The following CSMD1 variants were observed in gnomAD, a reference collection of about 807,000 sequenced individuals.
CSMD1 encodes the protein CUB and Sushi multiple domains 1, also known as CUB and sushi domain-containing protein 1.
Under a neutral mutation model 417.5 loss-of-function variants are expected in CSMD1, and 213 were observed. The ratio of observed to expected loss-of-function variants is 0.51; its 90% CI spans 0.46 to 0.57. The LOEUF (loss-of-function observed/expected upper bound fraction) is 0.57, where lower values mean the gene tolerates loss of function less well. Ranked by LOEUF, CSMD1 falls within the 20% of genes least tolerant of loss-of-function variation. The pLI is 0.00. For synonymous variants in CSMD1, 2,862 were observed against 1,736.8 expected (o/e 1.65, Z -16.11); for missense variants, 6,923 against 4,529.7 (o/e 1.53, Z -15.17).
At chr8:4,555,203 A>T (rs1287682231) in intron 2 of CSMD1, among the ~76,000 whole-genome samples, 1 of 152,206 alleles carries the variant, frequency 6.6e-6, no homozygotes, top group East Asian at 1.9e-4. Context: ...TAGGAATAAG[A>T]ATGAATGCAG....
intron 54 of CSMD1, among the ~76,000 whole-genome samples, chr8:2,993,970 C>G (rs552586970): frequency 1.4e-5 from 2 of 147,652 alleles, no homozygotes; most frequent in South Asian, 4.2e-4. Flanking sequence ...ATGGTGAAAC[C>G]CCATCCCTAC....
At chr8:3,606,355 G>C (rs1175209907) in intron 8 of CSMD1, among the ~76,000 whole-genome samples, 1 of 152,176 alleles carries the variant, frequency 6.6e-6, no homozygotes, top group Non-Finnish European at 1.5e-5. Context: ...AGTCCTCCCA[G>C]GCTATGAACC....
intron 8 of CSMD1, among the ~76,000 whole-genome samples, chr8:3,588,911 G>A (rs1220500213): frequency 6.6e-6 from 1 of 152,022 alleles, no homozygotes; most frequent in Admixed American, 6.6e-5. Context: ...TGTAACATAT[G>A]GGCAAAGGAC....
chr8:4,989,492 TGTTA>T (rs1811354062), intron 1 of CSMD1, among the ~76,000 whole-genome samples: 1 of 152,206 alleles, frequency 6.6e-6, no homozygotes, highest in Non-Finnish European at 1.5e-5. Flanking sequence ...TCCTCTGATT[TGTTA>T]GTTGATCAAA....
chr8:3,957,919 C>G (rs1812074776), intron 5 of CSMD1, among the ~76,000 whole-genome samples: 1 of 152,128 alleles, frequency 6.6e-6, no homozygotes. Flanking sequence ...GGCTGGTGAT[C>G]TACTTCTCAG....
intron 1 of CSMD1, among the ~76,000 whole-genome samples, chr8:4,758,748 A>T (rs1301943169): frequency 6.6e-6 from 1 of 152,126 alleles, no homozygotes. Flanking sequence ...CATTAATGAA[A>T]CCACCAGATC....
At chr8:4,256,236 A>G (rs1043724713) in intron 3 of CSMD1, among the ~76,000 whole-genome samples, 3 of 152,186 alleles carry the variant, frequency 2.0e-5, no homozygotes, top group African/African-American at 7.2e-5. Context: ...GCTCAAACCA[A>G]CCTTCTCTCT....
intron 2 of CSMD1, among the ~76,000 whole-genome samples, chr8:4,559,691 G>T (rs1345260896): frequency 2.0e-5 from 3 of 152,276 alleles, no homozygotes; most frequent in East Asian, 3.9e-4. Flanking sequence ...CAGTAAAATT[G>T]CTAAACAGCA....
chr8:3,350,855 TA>T (rs34280392), intron 21 of CSMD1, among the ~76,000 whole-genome samples: 1 of 151,978 alleles, frequency 6.6e-6, no homozygotes, highest in East Asian at 1.9e-4. Flanking sequence ...GGATTTTTTT[TA>T]AAAAAAGCAG....
At chr8:3,300,576 T>G (rs893696438) in intron 25 of CSMD1, among the ~76,000 whole-genome samples, 1 of 152,096 alleles carries the variant, frequency 6.6e-6, no homozygotes, top group Non-Finnish European at 1.5e-5. Context: ...CAAACAAATT[T>G]CCTAGGCATT....
At chr8:4,447,616 C>G (rs1798889320) in intron 2 of CSMD1, among the ~76,000 whole-genome samples, 3 of 152,198 alleles carry the variant, frequency 2.0e-5, no homozygotes, top group Non-Finnish European at 4.4e-5. Flanking sequence ...TCCCACTTGA[C>G]TAAGCTTGTT....
intron 5 of CSMD1, among the ~76,000 whole-genome samples, chr8:3,818,126 AAG>A (rs1482852240): frequency 6.6e-6 from 1 of 152,100 alleles, no homozygotes; most frequent in Non-Finnish European, 1.5e-5. Flanking sequence ...CCAGGACCCA[AAG>A]AGAGTTTCAG....
At chr8:4,056,745 C>G (rs2554524) in intron 3 of CSMD1, among the ~76,000 whole-genome samples, 85,402 of 151,418 alleles carry the variant, frequency 0.56, 25,243 homozygotes, top group Non-Finnish European at 0.66. Context: ...TCCATGCGTT[C>G]TCATTGTTCA....
chr8:3,767,795 G>C (rs560073234), intron 5 of CSMD1, among the ~76,000 whole-genome samples: 4 of 152,114 alleles, frequency 2.6e-5, no homozygotes, highest in Admixed American at 6.5e-5. Flanking sequence ...ATCTTCTCAC[G>C]TACACGGGCT....
intron 1 of CSMD1, among the ~76,000 whole-genome samples, chr8:4,660,492 A>C (rs553639517): frequency 1.3e-5 from 2 of 152,224 alleles, no homozygotes; most frequent in Non-Finnish European, 1.5e-5. Flanking sequence ...ACAAATCCTA[A>C]CCCAACTTTT....
chr8:4,083,895 T>G (rs1162403682), intron 3 of CSMD1, among the ~76,000 whole-genome samples: 1 of 151,904 alleles, frequency 6.6e-6, no homozygotes, highest in Non-Finnish European at 1.5e-5. Context: ...ACCACCAGAG[T>G]GAACAGGCGA....
intron 5 of CSMD1, among the ~76,000 whole-genome samples, chr8:3,757,104 G>T (rs1212757992): frequency 1.3e-5 from 2 of 152,110 alleles, no homozygotes; most frequent in Admixed American, 1.3e-4. Context: ...TGCCAGCCTG[G>T]AATTGCACTT....
At chr8:4,923,839 G>A (rs1245342756) in intron 1 of CSMD1, among the ~76,000 whole-genome samples, 2 of 152,118 alleles carry the variant, frequency 1.3e-5, no homozygotes, top group African/African-American at 4.8e-5. Context: ...TAATAAATGA[G>A]ATAATGAAGA....
chr8:3,318,691 G>C (rs1021354719), intron 23 of CSMD1, among the ~76,000 whole-genome samples: 1 of 152,168 alleles, frequency 6.6e-6, no homozygotes, highest in Non-Finnish European at 1.5e-5. Flanking sequence ...GAGTAAGAAA[G>C]CATTTGCTTT....
Sources: gnomAD v4.1 joint callset for allele counts (sites outside exome capture counted in the v4.1 genomes callset) on GRCh38, gnomAD v4.1.1 for gene constraint, MANE v1.5 for transcripts, NCBI Gene and HGNC (gene_info 2026-07-23, HGNC 2026-07-21) for gene names.